The following USP48 variants were observed in gnomAD, a reference collection of about 807,000 sequenced individuals.
USP48 encodes ubiquitin specific peptidase 48.
USP48 carries 43 observed loss-of-function variants against 150.7 expected under a neutral mutation model. The ratio of observed to expected loss-of-function variants is 0.29; its 90% CI spans 0.22 to 0.37. USP48 has a LOEUF of 0.37. Among genes scored for constraint, USP48 ranks in the 10% least tolerant of loss-of-function variants. The pLI is 1.00. For missense variants in USP48, 813 were observed against 1,249.6 expected (o/e 0.65, Z 5.27); for synonymous variants, 396 against 425.9 (o/e 0.93, Z 0.86).
intron 8 of USP48, among the ~76,000 whole-genome samples, chr1:21,745,031 G>A (rs898811844): frequency 4.6e-5 from 7 of 152,018 alleles, no homozygotes; most frequent in Admixed American, 3.3e-4. Context: ...GTGTGGGTAC[G>A]GGAAAATATA....
intron 1 of USP48, among the ~76,000 whole-genome samples, chr1:21,764,396 G>A (rs1346480229): frequency 2.0e-5 from 3 of 150,074 alleles, no homozygotes; most frequent in Non-Finnish European, 3.0e-5. Context: ...CTGAGATCAC[G>A]CCACTGCACT....
In USP48 at chr1:21,706,760, C is replaced by A. The variant is rs758318372; in HGVS notation, c.2072G>T (p.Cys691Phe). The A allele has an allele frequency of 1.4e-5, 23 of 1,612,636 alleles. No individual in the cohort carries two copies. The highest frequency in any genetic ancestry group is 1.8e-5 in the Non-Finnish European group (21 of 1,179,682). ...KAPEFPSYKE[C>F]CSQCKILERE... is the part of the protein sequence containing the mutation. ...GTTCAGTACCTTGCACTGTGAACAG[C>A]ACTCTTTGTAACTTGGAAACTCAGG... Residue 691 changes from cysteine to phenylalanine, a missense_variant, in exon 16 of 27, where the codon TGC becomes TTC. Coordinates refer to ENST00000308271, the MANE Select transcript of USP48 (RefSeq NM_032236.8).
At chr1:21,695,362 AAC>A (rs2097624458) in intron 22 of USP48, 141 bp from the exon 23 acceptor site, 1 of 887,552 alleles carries the variant, frequency 1.1e-6, no homozygotes, top group African/African-American at 1.7e-5. Flanking sequence ...AATGAGTAGA[AAC>A]TAACGAGACT....
intron 9 of USP48, among the ~76,000 whole-genome samples, chr1:21,734,284 A>T (rs2097763720): frequency 6.6e-6 from 1 of 152,098 alleles, no homozygotes. Flanking sequence ...CTGTGGTCTC[A>T]GTTACTTGGG....
intron 6 of USP48, 137 bp from the exon 7 acceptor site, chr1:21,748,408 A>C: frequency 1.3e-6 from 1 of 750,090 alleles, no homozygotes; most frequent in South Asian, 2.1e-5. Flanking sequence ...ACTATAAATA[A>C]TGGACACACA....
intron 22 of USP48, among the ~76,000 whole-genome samples, chr1:21,700,796 G>A (rs548437226): frequency 1.2e-4 from 18 of 152,306 alleles, no homozygotes; most frequent in South Asian, 2.1e-4. Flanking sequence ...TTTATGGGCC[G>A]GATGCGGTGG....
intron 14 of USP48, among the ~76,000 whole-genome samples, chr1:21,718,147 G>GTC (rs1237638471): frequency 1.3e-5 from 2 of 152,176 alleles, no homozygotes; most frequent in Admixed American, 6.5e-5. Flanking sequence ...CTGTAATGAT[G>GTC]TAAGTACAGG....
intron 1 of USP48, among the ~76,000 whole-genome samples, chr1:21,759,176 G>A (rs1236589317): frequency 1.1e-4 from 9 of 79,284 alleles, no homozygotes; most frequent in Admixed American, 4.2e-4. Context: ...AGAGAGACAC[G>A]GTCTCAAAAA....
At chr1:21,728,529 C>A in intron 11 of USP48, 41 bp downstream of exon 11, 1 of 1,578,110 alleles carries the variant, frequency 6.3e-7, no homozygotes, top group Non-Finnish European at 8.6e-7. Flanking sequence ...AAAAACAAGG[C>A]ACTTAATGGC....
Position 21,723,912 on chromosome 1 carries a change from C to T in USP48, c.1634G>A (p.Gly545Asp). Reference protein sequence around the residue: ...ADIFYSRYGGGPRLTVKALCK... With the variant: ...ADIFYSRYGGDPRLTVKALCK... ...TCTTGAATTACCAGTTAGTCTTGGA[C>T]CTCCTCCATATCTACTATAGAAAAT... Residue 545 changes from glycine to aspartate, a missense_variant, in exon 12 of 27, where the codon GGT becomes GAT. By Grantham distance (94) the Gly-to-Asp change is moderately conservative. Coordinates refer to ENST00000308271, the MANE Select transcript of USP48 (RefSeq NM_032236.8). 1 of 1,613,616 alleles carries T rather than the reference C, an allele frequency of 6.2e-7. No individual in the cohort carries two copies. Among genetic ancestry groups the T allele is most frequent in the Non-Finnish European group, 8.5e-7 (1 of 1,179,668 alleles).
intron 22 of USP48, among the ~76,000 whole-genome samples, chr1:21,699,721 G>A (rs1448883927): frequency 1.3e-5 from 2 of 151,340 alleles, no homozygotes; most frequent in Non-Finnish European, 2.9e-5. Context: ...TCACTATGTT[G>A]GCCAGGCTGG....
At chr1:21,754,583 CAAG>C (rs2097826633) in intron 3 of USP48, among the ~76,000 whole-genome samples, 1 of 152,154 alleles carries the variant, frequency 6.6e-6, no homozygotes, top group South Asian at 2.1e-4. Context: ...TGCCAGTTAT[CAAG>C]AAGGTAAGGC....
chr1:21,744,970 T>A (rs536028434), intron 8 of USP48, among the ~76,000 whole-genome samples: 34 of 152,088 alleles, frequency 2.2e-4, no homozygotes, highest in Non-Finnish European at 4.7e-4. Context: ...TTCTTTTGGA[T>A]CCATCTTTTG....
At chr1:21,694,593 AAAAAAAAAAAAAAACC>A (rs1342529560) in intron 23 of USP48, among the ~76,000 whole-genome samples, 55 of 125,766 alleles carry the variant, frequency 4.4e-4, no homozygotes, top group Admixed American at 1.0e-3. Context: ...AAAAAAAAAA[AAAAAAAAAAAAAAACC>A]CCCTCTATCT....
intron 22 of USP48, among the ~76,000 whole-genome samples, chr1:21,696,569 A>G (rs2097632185): frequency 6.6e-6 from 1 of 152,220 alleles, no homozygotes; most frequent in Admixed American, 6.5e-5. Flanking sequence ...ACTGTTCAAG[A>G]CATATCTGAG....
chr1:21,734,937 A>G (rs1407203742), intron 9 of USP48, among the ~76,000 whole-genome samples: 2 of 152,226 alleles, frequency 1.3e-5, no homozygotes, highest in Non-Finnish European at 1.5e-5. Context: ...ATACTAGGAT[A>G]CTATTTTAAG....
chr1:21,712,564 T>A (rs146842043), intron 15 of USP48, among the ~76,000 whole-genome samples: 20 of 152,082 alleles, frequency 1.3e-4, no homozygotes, highest in African/African-American at 4.8e-4. Flanking sequence ...CCAGAAACAT[T>A]TTACCCTGGA....
rs1204513470 is a variant in USP48 at position 21,738,249 on chromosome 1, G to C, written c.992-1624C>G. ...ATTTTTGTATTTTTAGTAGAGACGGGGTTTCACCATGTTGGCCAGGCTAGT... is the reference window on the plus strand; with the variant it reads ...ATTTTTGTATTTTTAGTAGAGACGGCGTTTCACCATGTTGGCCAGGCTAGT... On this transcript the variant is annotated intron_variant, in intron 8 of 26. Coordinates refer to ENST00000308271, the MANE Select transcript of USP48 (RefSeq NM_032236.8). Among the ~76,000 whole-genome samples the C allele has an allele frequency of 3.9e-5, 6 of 151,946 alleles. No individual in the cohort carries two copies. The South Asian group carries it at 1.0e-3, about 26-fold the overall frequency.
At chr1:21,715,073 T>A (rs548925291) in intron 15 of USP48, 1 of 232,074 alleles carries the variant, frequency 4.3e-6, no homozygotes, top group East Asian at 1.4e-4. Flanking sequence ...GATAAAAAAA[T>A]AAATAAAAAA....
Sources: gnomAD v4.1 joint callset for allele counts (sites outside exome capture counted in the v4.1 genomes callset) on GRCh38, gnomAD v4.1.1 for gene constraint, MANE v1.5 for transcripts, NCBI Gene and HGNC (gene_info 2026-07-23, HGNC 2026-07-21) for gene names.